The following GMEB1 variants were observed in gnomAD, a reference collection of about 807,000 sequenced individuals.
The protein encoded by GMEB1 is glucocorticoid modulatory element-binding protein 1.
A neutral mutation model predicts 52.4 loss-of-function variants in GMEB1; 6 were observed. The observed-to-expected ratio is 0.11, with a 90% CI of 0.06 to 0.23. The LOEUF (loss-of-function observed/expected upper bound fraction) is 0.23. Among genes scored for constraint, GMEB1 ranks in the 10% least tolerant of loss-of-function variants. GMEB1 has a pLI of 1.00. For synonymous variants in GMEB1, 255 were observed against 244.9 expected (o/e 1.04, Z -0.38); for missense variants, 486 against 685.6 (o/e 0.71, Z 3.25).
intron 1 of GMEB1, among the ~76,000 whole-genome samples, chr1:28,670,350 G>A (rs765656375): frequency 4.0e-5 from 6 of 149,736 alleles, no homozygotes; most frequent in Non-Finnish European, 8.9e-5. Flanking sequence ...TGTTTGAGAC[G>A]GAGTTTCACT....
rs1013743869 is a variant in GMEB1 at position 28,705,164 on chromosome 1, G to A, written c.868+835G>A. On this transcript the variant is annotated intron_variant, in intron 8 of 9. Coordinates refer to ENST00000373816, the MANE Select transcript of GMEB1 (RefSeq NM_001319674.2). ...AGTACATTAGGAGGCCGAGACCGGC[G>A]GATTACTTGAGGTCAGGAGTTCGAG... Among the ~76,000 whole-genome samples the A allele has an allele frequency of 4.6e-5, 7 of 150,864 alleles. No homozygotes were observed. In the East Asian group the frequency reaches 5.9e-4, roughly 13 times the overall value.
In GMEB1 at chr1:28,717,869, A is replaced by G. The variant is rs903552338; in HGVS notation, c.*3096A>G. On this transcript the variant is annotated 3_prime_UTR_variant, in exon 10 of 10. Coordinates refer to ENST00000373816, the MANE Select transcript of GMEB1 (RefSeq NM_001319674.2). ...CTCAGGTTCCCTTCTTTCCTCCATC[A>G]GAGCTATTGGTAGGGTTTTAAGGTC... 5 of 152,168 alleles carry G rather than the reference A, an allele frequency of 3.3e-5. No individual in the cohort carries two copies. The highest frequency in any genetic ancestry group is 1.2e-4 in the African/African-American group (5 of 41,428). 9.4% of individuals were successfully genotyped at this position (152,168 alleles called of 1,614,324 possible). A position where few individuals can be genotyped will look rare whatever the true frequency, so the allele number is the denominator to read the frequency against.
chr1:28,676,457 G>A (rs2124458221), intron 1 of GMEB1, among the ~76,000 whole-genome samples: 1 of 152,302 alleles, frequency 6.6e-6, no homozygotes, highest in African/African-American at 2.4e-5. Context: ...GCCAGGCGTG[G>A]TGGCTCACGC....
At chr1:28,673,662 T>G (rs1303646173) in intron 1 of GMEB1, among the ~76,000 whole-genome samples, 1 of 152,186 alleles carries the variant, frequency 6.6e-6, no homozygotes, top group African/African-American at 2.4e-5. Context: ...TTGTTTAGTT[T>G]TCTGGTGGCT....
chr1:28,680,826 C>T (rs1257045314), intron 1 of GMEB1, among the ~76,000 whole-genome samples: 4 of 151,860 alleles, frequency 2.6e-5, no homozygotes, highest in African/African-American at 4.8e-5. Context: ...GGCAGATCAC[C>T]TGAGGTTGGG....
intron 1 of GMEB1, among the ~76,000 whole-genome samples, chr1:28,676,100 T>C (rs1339338605): frequency 1.3e-5 from 2 of 152,156 alleles, no homozygotes; most frequent in East Asian, 1.9e-4. Flanking sequence ...TGGGTACTAA[T>C]GTATGGTGTG....
chr1:28,688,393 A>G (rs1029748487), intron 2 of GMEB1, among the ~76,000 whole-genome samples: 1 of 152,240 alleles, frequency 6.6e-6, no homozygotes, highest in African/African-American at 2.4e-5. Context: ...GGAGGTAGTC[A>G]TTGATACAAA....
chr1:28,703,040 G>T (rs1474452613), intron 7 of GMEB1, among the ~76,000 whole-genome samples: 1 of 151,868 alleles, frequency 6.6e-6, no homozygotes, highest in Non-Finnish European at 1.5e-5. Context: ...CAAAAAACAA[G>T]AAATCAGAAT....
At chr1:28,704,148 G>T in intron 7 of GMEB1, 44 bp from the exon 8 acceptor site, 1 of 1,542,708 alleles carries the variant, frequency 6.5e-7, no homozygotes, top group Non-Finnish European at 8.8e-7. Context: ...AAGTATCTAG[G>T]TAGTGTCTCT....
Position 28,691,577 on chromosome 1 carries a change from GT to G in GMEB1, c.212-4del. ...TTGATAAATAACTGATATTTTTTCT[GT>G]TTTCAGATACAGGCACTATAGAAGC... On this transcript the variant is annotated splice_polypyrimidine_tract_variant and splice_region_variant and intron_variant, in intron 3 of 9. Coordinates refer to ENST00000373816, the MANE Select transcript of GMEB1 (RefSeq NM_001319674.2). 2 of 1,519,116 alleles carry G rather than the reference GT, an allele frequency of 1.3e-6. No individual in the cohort carries two copies. The highest frequency in any genetic ancestry group is 1.8e-6 in the Non-Finnish European group (2 of 1,119,460). The allele number at this position is 1,519,116 out of a possible 1,614,324, so 94.1% of individuals were successfully genotyped here.
At chr1:28,708,468 T>A (rs903912908) in intron 8 of GMEB1, among the ~76,000 whole-genome samples, 10 of 145,942 alleles carry the variant, frequency 6.9e-5, no homozygotes, top group Non-Finnish European at 1.2e-4. Context: ...CTGGCCCAAT[T>A]TTGTTTTTTT....
chr1:28,683,804 T>C, intron 2 of GMEB1, 64 bp downstream of exon 2: 2 of 1,498,882 alleles, frequency 1.3e-6, no homozygotes, highest in Non-Finnish European at 9.2e-7. Context: ...GGGGAAATTA[T>C]AACTTTATGG....
chr1:28,712,867 G>A (rs139378473), intron 9 of GMEB1, among the ~76,000 whole-genome samples: 2 of 145,142 alleles, frequency 1.4e-5, no homozygotes, highest in Non-Finnish European at 1.5e-5. Context: ...CATTTACCAC[G>A]CTGGGCCGGG....
At chr1:28,669,158 T>TG (rs565213605) in intron 1 of GMEB1, among the ~76,000 whole-genome samples, 1,828 of 148,596 alleles carry the variant, frequency 0.012, 12 homozygotes, top group Non-Finnish European at 0.016. Flanking sequence ...AGTCCACCAC[T>TG]GGGGGGGCCC....
At chr1:28,684,334 C>T (rs1429878792) in intron 2 of GMEB1, among the ~76,000 whole-genome samples, 6 of 151,818 alleles carry the variant, frequency 4.0e-5, no homozygotes, top group Non-Finnish European at 7.4e-5. Flanking sequence ...GAGGCCGAGG[C>T]GCGTGGATCA....
chr1:28,694,920 C>T (rs1295974841), intron 5 of GMEB1, among the ~76,000 whole-genome samples: 1 of 151,136 alleles, frequency 6.6e-6, no homozygotes, highest in Non-Finnish European at 1.5e-5. Flanking sequence ...CCTCAGCCTC[C>T]CAAAGTGTGG....
chr1:28,678,500 G>T (rs1179282329), intron 1 of GMEB1, among the ~76,000 whole-genome samples: 1 of 152,062 alleles, frequency 6.6e-6, no homozygotes, highest in East Asian at 1.9e-4. Flanking sequence ...TAGTAGAGAT[G>T]GGGTTTTACC....
intron 8 of GMEB1, among the ~76,000 whole-genome samples, chr1:28,709,703 A>G (rs956910737): frequency 6.6e-6 from 1 of 152,052 alleles, no homozygotes; most frequent in East Asian, 1.9e-4. Flanking sequence ...GCTGCCTCCC[A>G]TGTAGCTGGG....
chr1:28,671,285 T>G (rs1016614023), intron 1 of GMEB1, among the ~76,000 whole-genome samples: 2 of 152,200 alleles, frequency 1.3e-5, no homozygotes, highest in Non-Finnish European at 2.9e-5. Flanking sequence ...TTTATTTTTT[T>G]GGGGGAACAG....
Sources: allele counts gnomAD v4.1 joint callset (sites outside exome capture counted in the v4.1 genomes callset), GRCh38; gene constraint gnomAD v4.1.1; transcripts MANE v1.5; gene names NCBI Gene and HGNC (gene_info 2026-07-23, HGNC 2026-07-21).